Variants in AGAP3 observed in about 807,000 individuals in gnomAD.
AGAP3 encodes the protein arf-GAP with GTPase, ANK repeat and PH domain-containing protein 3.
Under a neutral mutation model 96.9 loss-of-function variants are expected in AGAP3, and 24 were observed. The ratio of observed to expected loss-of-function variants is 0.25; its 90% CI spans 0.18 to 0.35. The LOEUF (loss-of-function observed/expected upper bound fraction) is 0.35. Ranked by LOEUF, AGAP3 falls within the 10% of genes least tolerant of loss-of-function variation. The pLI, the probability that AGAP3 is intolerant of heterozygous loss-of-function variation, is 1.00. For missense variants in AGAP3, 876 were observed against 1,254.2 expected (o/e 0.70, Z 4.55); for synonymous variants, 563 against 536.1 (o/e 1.05, Z -0.69).
chr7:151,095,025 C>T (rs1456644675), intron 1 of AGAP3, among the ~76,000 whole-genome samples: 2 of 151,654 alleles, frequency 1.3e-5, no homozygotes, highest in African/African-American at 4.8e-5. Flanking sequence ...AGGCATGTGT[C>T]ACCACATCTG....
intron 1 of AGAP3, chr7:151,116,341 C>T (rs1366294403): frequency 6.2e-6 from 1 of 162,566 alleles, no homozygotes; most frequent in East Asian, 1.8e-4. Context: ...GTGGGTGGCC[C>T]CACCCTGCCA....
At chr7:151,115,061 G>GCCTGCGCCCAGC in intron 1 of AGAP3, 1 of 1,012,980 alleles carries the variant, frequency 9.9e-7, no homozygotes, top group Non-Finnish European at 1.2e-6. Context: ...CGCCCGTCTC[G>GCCTGCGCCCAGC]CCTGCGCCCA....
intron 10 of AGAP3, among the ~76,000 whole-genome samples, chr7:151,130,183 T>A (rs1659611008): frequency 6.6e-6 from 1 of 152,144 alleles, no homozygotes; most frequent in African/African-American, 2.4e-5. Context: ...ACCTGCTCCT[T>A]TCTGTTTTAT....
intron 11 of AGAP3, among the ~76,000 whole-genome samples, chr7:151,137,155 C>T (rs1056728654): frequency 9.2e-5 from 14 of 152,224 alleles, no homozygotes; most frequent in African/African-American, 3.1e-4. Flanking sequence ...GCCGTCTCCC[C>T]GCAGGCTTCC....
intron 1 of AGAP3, among the ~76,000 whole-genome samples, chr7:151,102,912 G>A (rs996016453): frequency 3.3e-5 from 5 of 152,204 alleles, no homozygotes; most frequent in Admixed American, 2.6e-4. Flanking sequence ...TCACCCAGCC[G>A]CTACAAAAAA....
At chr7:151,123,551 C>T (rs1800021073) in intron 8 of AGAP3, 1 of 1,345,386 alleles carries the variant, frequency 7.4e-7, no homozygotes, top group Non-Finnish European at 9.6e-7. Flanking sequence ...CCTCTCTGTC[C>T]TTGCTCTTTT....
chr7:151,116,571 C>T, intron 1 of AGAP3: 2 of 575,384 alleles, frequency 3.5e-6, no homozygotes, highest in South Asian at 2.2e-5. Context: ...GCCCACAGCC[C>T]TCAGAGTCCT....
chr7:151,092,771 G>A (rs542946634), intron 1 of AGAP3, among the ~76,000 whole-genome samples: 2 of 152,180 alleles, frequency 1.3e-5, no homozygotes, highest in South Asian at 4.2e-4. Flanking sequence ...ATTTTCTCTG[G>A]TTCTCCAACT....
intron 8 of AGAP3, 180 bp from the exon 9 acceptor site, chr7:151,123,614 G>A: frequency 2.1e-6 from 3 of 1,447,732 alleles, no homozygotes; most frequent in Non-Finnish European, 2.7e-6. Flanking sequence ...GGTGCCGTGT[G>A]TAAGAATAAA....
intron 11 of AGAP3, among the ~76,000 whole-genome samples, chr7:151,134,973 G>A (rs1247951836): frequency 6.6e-6 from 1 of 152,182 alleles, no homozygotes; most frequent in Non-Finnish European, 1.5e-5. Flanking sequence ...GGTCAACCTG[G>A]TGCATATTCT....
At chr7:151,095,414 C>T (rs1229778096) in intron 1 of AGAP3, among the ~76,000 whole-genome samples, 2 of 152,210 alleles carry the variant, frequency 1.3e-5, no homozygotes, top group South Asian at 4.1e-4. Flanking sequence ...TCCTTACCGC[C>T]GTAGGGGTGC....
At chr7:151,125,446 C>T (rs1377095155) in intron 9 of AGAP3, among the ~76,000 whole-genome samples, 1 of 152,200 alleles carries the variant, frequency 6.6e-6, no homozygotes, top group South Asian at 2.1e-4. Context: ...TGTTTTCACC[C>T]CTAAATCTCA....
At chr7:151,090,975 G>A (rs1314251662) in intron 1 of AGAP3, among the ~76,000 whole-genome samples, 4 of 152,116 alleles carry the variant, frequency 2.6e-5, no homozygotes, top group South Asian at 4.1e-4. Context: ...AAAACAAAAC[G>A]GCATACGCCC....
Position 151,143,665 on chromosome 7 carries a change from T to G in AGAP3, c.2529+69T>G. ...GCCTTGTTCTTTGAAAGCAACCTCT[T>G]CTTTCCTCCCCTACAACCAATCTCT... On this transcript the variant is annotated intron_variant, in intron 17 of 17. Coordinates refer to ENST00000397238, the MANE Select transcript of AGAP3 (RefSeq NM_031946.7). This position sits in a 1 kb window ranked among gnomAD's most constrained non-coding sequence, Gnocchi z 5.9. 1 of 1,607,010 alleles carries G rather than the reference T, an allele frequency of 6.2e-7. No homozygotes were observed. The highest frequency in any genetic ancestry group is 8.5e-7 in the Non-Finnish European group (1 of 1,174,946).
Position 151,117,740 on chromosome 7 carries a change from C to G in AGAP3, c.669C>G (p.Asn223Lys). 1 of 1,614,180 alleles carries G rather than the reference C, an allele frequency of 6.2e-7. No homozygotes were observed. The highest frequency in any genetic ancestry group is 8.5e-7 in the Non-Finnish European group (1 of 1,180,010). The change falls in exon 5 of 18, where the codon AAC (asparagine) becomes AAG (lysine). Residue 223 changes from asparagine to lysine, a missense_variant. Coordinates refer to ENST00000397238, the MANE Select transcript of AGAP3 (RefSeq NM_031946.7). ...TCCTGCGTCTCTGCAGCTTCCGCAACGCCAGCGAGGTGCCCATGGTGCTTG... is the reference window on the plus strand; with the variant it reads ...TCCTGCGTCTCTGCAGCTTCCGCAAGGCCAGCGAGGTGCCCATGGTGCTTG... Reference protein sequence around the residue: ...NYFLRLCSFRNASEVPMVLVG... With the variant: ...NYFLRLCSFRKASEVPMVLVG...
chr7:151,117,048 C>T (rs369444579), intron 2 of AGAP3, 47 bp from the exon 3 acceptor site: 19 of 1,581,822 alleles, frequency 1.2e-5, no homozygotes, highest in Non-Finnish European at 1.5e-5. Context: ...GGTCTTCTCC[C>T]TCGTGCCCTC....
chr7:151,135,861 G>A (rs1437806585), intron 11 of AGAP3, among the ~76,000 whole-genome samples: 1 of 152,240 alleles, frequency 6.6e-6, no homozygotes, highest in Admixed American at 6.5e-5. Flanking sequence ...TCCACAGTAA[G>A]TGGGAGACCT....
In AGAP3 at chr7:151,106,063, A is replaced by G. The variant is rs558290547; in HGVS notation, c.332-10730A>G. Among the ~76,000 whole-genome samples the G allele has an allele frequency of 2.0e-5, 3 of 152,062 alleles. No individual in the cohort carries two copies. The South Asian group carries it at 6.2e-4, about 32-fold the overall frequency. On this transcript the variant is annotated intron_variant, in intron 1 of 17. Coordinates refer to ENST00000397238, the MANE Select transcript of AGAP3 (RefSeq NM_031946.7). Reference sequence around the variant, plus strand: ...CCCAATATTCCTTTGAAAATATGAAACAGACCTGTCAGTGGCCAGCAGTGA... The same window carrying G: ...CCCAATATTCCTTTGAAAATATGAAGCAGACCTGTCAGTGGCCAGCAGTGA...
At chr7:151,102,630 A>C (rs1469900855) in intron 1 of AGAP3, among the ~76,000 whole-genome samples, 1 of 149,420 alleles carries the variant, frequency 6.7e-6, no homozygotes, top group Non-Finnish European at 1.5e-5. Flanking sequence ...TTTTTTTTTG[A>C]GACAGGGTCT....
Sources: gnomAD v4.1 joint callset for allele counts (sites outside exome capture counted in the v4.1 genomes callset) on GRCh38, gnomAD v4.1.1 for gene constraint, Gnocchi (gnomAD v3.1) non-coding constraint, MANE v1.5 for transcripts, NCBI Gene and HGNC (gene_info 2026-07-23, HGNC 2026-07-21) for gene names.